ZFPM2: variants seen among roughly 807,000 people sequenced by gnomAD.
ZFPM2 encodes the protein zinc finger protein, FOG family member 2.
A neutral mutation model predicts 98.6 loss-of-function variants in ZFPM2; 20 were observed. The observed-to-expected ratio is 0.20, with a 90% CI of 0.14 to 0.29. The LOEUF is 0.29. Ranked by LOEUF, ZFPM2 falls within the 10% of genes least tolerant of loss-of-function variation. The probability of loss-of-function intolerance (pLI) is 1.00; values close to 1 mark genes in which losing one functional copy is unlikely to be tolerated. For synonymous variants in ZFPM2, 518 were observed against 502.7 expected, an observed-to-expected ratio of 1.03 and a Z score of -0.41; for missense variants, 1,310 against 1,388.6, an observed-to-expected ratio of 0.94 and a Z score of 0.90.
intron 5 of ZFPM2, among the ~76,000 whole-genome samples, chr8:105,682,000 C>T (rs756921029): frequency 7.9e-5 from 12 of 151,872 alleles, no homozygotes; most frequent in African/African-American, 1.9e-4. Flanking sequence ...AACAAATAAG[C>T]GGCAAAATTA....
intron 5 of ZFPM2, among the ~76,000 whole-genome samples, chr8:105,750,151 A>G (rs1288190999): frequency 6.6e-6 from 1 of 152,074 alleles, no homozygotes; most frequent in Admixed American, 6.6e-5. Context: ...AAACTCCTGC[A>G]GACTGAATTA....
intron 1 of ZFPM2, among the ~76,000 whole-genome samples, chr8:105,359,524 G>C (rs1812816753): frequency 6.6e-6 from 1 of 151,744 alleles, no homozygotes; most frequent in Non-Finnish European, 1.5e-5. Context: ...ACAGGCACGT[G>C]CCACCATGCC....
At chr8:105,748,641 A>T (rs1812406008) in intron 5 of ZFPM2, among the ~76,000 whole-genome samples, 2 of 151,990 alleles carry the variant, frequency 1.3e-5, no homozygotes, top group African/African-American at 4.8e-5. Flanking sequence ...ACCTCAATGA[A>T]TAGGGTTTTC....
At chr8:105,442,329 G>C (rs1295118370) in intron 2 of ZFPM2, among the ~76,000 whole-genome samples, 1 of 152,116 alleles carries the variant, frequency 6.6e-6, no homozygotes, top group Non-Finnish European at 1.5e-5. Context: ...GGGTGACAGA[G>C]CGAGACTCCG....
intron 5 of ZFPM2, among the ~76,000 whole-genome samples, chr8:105,709,556 ACTT>A (rs1375116377): frequency 6.6e-6 from 1 of 152,128 alleles, no homozygotes; most frequent in East Asian, 1.9e-4. Context: ...GTATGCCACT[ACTT>A]ACAGTACTTA....
chr8:105,653,421 G>A (rs560328012), intron 5 of ZFPM2, among the ~76,000 whole-genome samples: 1 of 152,314 alleles, frequency 6.6e-6, no homozygotes, highest in African/African-American at 2.4e-5. Context: ...TTGATACTAT[G>A]ATATAGCTTG....
intron 4 of ZFPM2, among the ~76,000 whole-genome samples, chr8:105,591,488 A>G (rs1157963292): frequency 6.6e-6 from 1 of 152,168 alleles, no homozygotes. Flanking sequence ...CATTGGAAAA[A>G]TGTTAATGCC....
intron 1 of ZFPM2, among the ~76,000 whole-genome samples, chr8:105,350,530 G>T (rs1297547396): frequency 6.6e-6 from 1 of 152,140 alleles, no homozygotes; most frequent in Admixed American, 6.5e-5. Context: ...ATCTTAGGCT[G>T]AAAGATGAAG....
Position 105,493,116 on chromosome 8 carries a change from A to G in ZFPM2, c.301+48735A>G, listed in dbSNP as rs532556651. On this transcript the variant is annotated intron_variant, in intron 3 of 7. Coordinates refer to ENST00000407775, the MANE Select transcript of ZFPM2 (RefSeq NM_012082.4). ...AAATATGTCTGGCTTTGGAAATGCT[A>G]TAAATTTAATTATTTTCTCTTAATG... 7.9e-5 allele frequency among the ~76,000 whole-genome samples: 12 copies of G among 152,322 alleles called. No individual in the cohort carries two copies. In the East Asian group the frequency reaches 2.1e-3, roughly 27 times the overall value.
intron 4 of ZFPM2, among the ~76,000 whole-genome samples, chr8:105,600,166 T>A (rs1220706189): frequency 2.0e-5 from 3 of 152,138 alleles, no homozygotes; most frequent in Non-Finnish European, 2.9e-5. Flanking sequence ...CCTGTTGATT[T>A]TAGTCTACAG....
intron 3 of ZFPM2, among the ~76,000 whole-genome samples, chr8:105,549,561 T>TAC: frequency 7.8e-6 from 1 of 128,722 alleles, no homozygotes; most frequent in Non-Finnish European, 1.7e-5. Flanking sequence ...CTTCCTTCCT[T>TAC]TCTTCCTTCC....
chr8:105,491,704 C>T (rs2130433945), intron 3 of ZFPM2, among the ~76,000 whole-genome samples: 1 of 152,216 alleles, frequency 6.6e-6, no homozygotes, highest in African/African-American at 2.4e-5. Context: ...CACTTACATC[C>T]AAATAATTTT....
At chr8:105,789,181 C>T (rs1279457806) in intron 6 of ZFPM2, among the ~76,000 whole-genome samples, 1 of 151,988 alleles carries the variant, frequency 6.6e-6, no homozygotes, top group Non-Finnish European at 1.5e-5. Flanking sequence ...GTGCGCGGCA[C>T]CCACTAACTC....
At chr8:105,407,476 A>G (rs1003244523) in intron 1 of ZFPM2, among the ~76,000 whole-genome samples, 4 of 151,956 alleles carry the variant, frequency 2.6e-5, no homozygotes, top group African/African-American at 4.8e-5. Context: ...TTCCAGTTAA[A>G]TGTATTTGTC....
Position 105,803,860 on chromosome 8 carries a change from G to A in ZFPM2, c.*322G>A. 1 of 201,946 alleles carries A rather than the reference G, an allele frequency of 5.0e-6. No individual in the cohort carries two copies. The highest frequency in any genetic ancestry group is 1.0e-5 in the Non-Finnish European group (1 of 99,364). The allele number at this position is 201,946 out of a possible 1,614,324, so 12.5% of individuals were successfully genotyped here. On this transcript the variant is annotated 3_prime_UTR_variant, in exon 8 of 8. Coordinates refer to ENST00000407775, the MANE Select transcript of ZFPM2 (RefSeq NM_012082.4). ...TAGCACATATGGTTTGCACTGTATA[G>A]TAGCTTTTAAAGAAAATAGTCACAA...
rs562261995 is a variant in ZFPM2 at position 105,788,642 on chromosome 8, A to G, written c.533-76A>G. On this transcript the variant is annotated intron_variant, in intron 5 of 7. Transcript: ENST00000407775. ...AGTGTGAAAAACATGAGAAGGTGCT[A>G]TGGACATCAATCTAGTTTACAACAG... 1.0e-5 allele frequency: 14 copies of G among 1,387,600 alleles called. No individual in the cohort carries two copies. In the Admixed American group the frequency reaches 1.4e-4, roughly 13 times the overall value. 86.0% of individuals were successfully genotyped at this position (1,387,600 alleles called of 1,614,324 possible). A position where few individuals can be genotyped will look rare whatever the true frequency, so the allele number is the denominator to read the frequency against.
intron 1 of ZFPM2, among the ~76,000 whole-genome samples, chr8:105,360,267 C>G (rs1241242044): frequency 6.6e-6 from 1 of 152,024 alleles, no homozygotes; most frequent in Non-Finnish European, 1.5e-5. Context: ...TAATCTTGGA[C>G]TTTAAAAAGT....
At chr8:105,546,589 C>T (rs1317104577) in intron 3 of ZFPM2, among the ~76,000 whole-genome samples, 1 of 144,582 alleles carries the variant, frequency 6.9e-6, no homozygotes, top group Non-Finnish European at 1.5e-5. Flanking sequence ...AAAAAACAAA[C>T]CCAAAAACCA....
rs376633755 is a variant in ZFPM2 at position 105,429,701 on chromosome 8, C to CAAAA, written c.199+10411_199+10414dup. Among the ~76,000 whole-genome samples, 53 of 128,426 alleles carry CAAAA rather than the reference C, an allele frequency of 4.1e-4. No individual in the cohort carries two copies. In the South Asian group the frequency reaches 8.1e-3, roughly 20 times the overall value. The allele number at this position is 128,426 out of a possible 152,430, so 84.3% of individuals were successfully genotyped here. On this transcript the variant is annotated intron_variant, in intron 2 of 7. Transcript: ENST00000407775. ...ATTCTACAAAAATGCAAAGTGATAC[C>CAAAA]AAAAAAAAAAAAAAATGGACAGGGA...
Sources: allele counts gnomAD v4.1 joint callset (sites outside exome capture counted in the v4.1 genomes callset), GRCh38; gene constraint gnomAD v4.1.1; transcripts MANE v1.5; gene names NCBI Gene and HGNC (gene_info 2026-07-23, HGNC 2026-07-21).